SERPINA12: variants seen among roughly 807,000 people sequenced by gnomAD.
SERPINA12 encodes the protein serpin family A member 12.
Under a neutral mutation model 25.9 loss-of-function variants are expected in SERPINA12, and 21 were observed. That is an observed-to-expected ratio of 0.81 (90% CI 0.58 to 1.17). The LOEUF (loss-of-function observed/expected upper bound fraction) is 1.17. Among genes scored for constraint, SERPINA12 ranks in the 50% most tolerant of loss-of-function variants. SERPINA12 has a pLI of 0.00. For missense variants in SERPINA12, 562 were observed against 508.3 expected, an observed-to-expected ratio of 1.11 and a Z score of -1.02; for synonymous variants, 220 against 196.0, an observed-to-expected ratio of 1.12 and a Z score of -1.02.
At chr14:94,501,630 A>G (rs1241055468) in intron 1 of SERPINA12, among the ~76,000 whole-genome samples, 6 of 150,598 alleles carry the variant, frequency 4.0e-5, no homozygotes, top group Non-Finnish European at 1.5e-5. Flanking sequence ...CCCCCATGAG[A>G]TACTGCTGAT....
intron 3 of SERPINA12, among the ~76,000 whole-genome samples, chr14:94,491,820 G>A (rs1229652768): frequency 6.6e-6 from 1 of 152,126 alleles, no homozygotes; most frequent in Non-Finnish European, 1.5e-5. Context: ...TACACATCCT[G>A]GGGACATTCT....
upstream of SERPINA12, chr14:94,511,703 G>A (rs1174364220): frequency 7.1e-6 from 7 of 985,352 alleles, no homozygotes; most frequent in East Asian, 5.7e-4. Flanking sequence ...TTCCAAAGAG[G>A]CAGAACTTGA....
rs374621113 is a variant in SERPINA12, at chr14:94,498,140, C to G, written c.258G>C (p.Leu86=). The change falls in exon 2 of 5, where the codon CTG becomes CTC. Residue 86 remains leucine, a synonymous_variant. Transcript: ENST00000677451. ...GGGTGCTGTCCTGGGCACCCAGGCA[C>G]AGCATGGAGAAAGCTGTAGAGATGC... is the stretch of plus-strand genomic sequence containing the variant. ...PLSISTAFSM[L]CLGAQDSTLD... The G allele has an allele frequency of 3.1e-6, 5 of 1,614,034 alleles. No individual in the cohort carries two copies. Among genetic ancestry groups the G allele is most frequent in the Non-Finnish European group, 4.2e-6 (5 of 1,180,032 alleles).
intron 3 of SERPINA12, among the ~76,000 whole-genome samples, chr14:94,492,894 A>G (rs1017697548): frequency 2.0e-5 from 3 of 152,252 alleles, no homozygotes; most frequent in African/African-American, 7.2e-5. Flanking sequence ...AAATCAGAGC[A>G]GCACCTGGCC....
intron 1 of SERPINA12, among the ~76,000 whole-genome samples, chr14:94,516,953 G>GCA (rs3065837): frequency 6.6e-6 from 1 of 151,694 alleles, no homozygotes; most frequent in Non-Finnish European, 1.5e-5. Flanking sequence ...CGCAGCTATT[G>GCA]CACACACACA....
At chr14:94,498,458 A>G (rs1218759551) in intron 1 of SERPINA12, 28 bp from the exon 2 acceptor site, 2 of 1,541,122 alleles carry the variant, frequency 1.3e-6, no homozygotes, top group Non-Finnish European at 1.8e-6. Flanking sequence ...AAAGAACATG[A>G]TAACCCCATT....
At chr14:94,516,739 T>C (rs1228885904) in intron 1 of SERPINA12, among the ~76,000 whole-genome samples, 1 of 152,204 alleles carries the variant, frequency 6.6e-6, no homozygotes, top group Admixed American at 6.5e-5. Flanking sequence ...CCAAGACCTA[T>C]TGCCTTTGCA....
At chr14:94,490,967 C>A (rs1303858088) in intron 3 of SERPINA12, among the ~76,000 whole-genome samples, 1 of 152,230 alleles carries the variant, frequency 6.6e-6, no homozygotes, top group Non-Finnish European at 1.5e-5. Context: ...CCTTGGTCCC[C>A]TTCTCTTTTC....
At chr14:94,501,330 C>A (rs531910630) in intron 1 of SERPINA12, among the ~76,000 whole-genome samples, 1 of 152,240 alleles carries the variant, frequency 6.6e-6, no homozygotes, top group South Asian at 2.1e-4. Context: ...CTGGCAGGAG[C>A]CTTGGAGGAG....
intron 1 of SERPINA12, chr14:94,503,420 G>T: frequency 1.7e-6 from 1 of 571,714 alleles, no homozygotes; most frequent in Non-Finnish European, 2.2e-6. Context: ...CTAGAGCAAT[G>T]CCCAGGAAAT....
intron 1 of SERPINA12, among the ~76,000 whole-genome samples, chr14:94,506,503 A>G (rs1900936859): frequency 6.6e-6 from 1 of 152,170 alleles, no homozygotes; most frequent in Admixed American, 6.5e-5. Flanking sequence ...TTTGAAGGAT[A>G]AGTAGGTGTT....
At position 94,498,416 on chromosome 14, in the gene SERPINA12, T is replaced by C; in HGVS notation, c.-19A>G. 6.2e-7 allele frequency: 1 copy of C among 1,608,238 alleles called. No homozygotes were observed. Among genetic ancestry groups the C allele is most frequent in the Non-Finnish European group, 8.5e-7 (1 of 1,176,918 alleles). On this transcript the variant is annotated 5_prime_UTR_variant, in exon 2 of 5. Coordinates refer to ENST00000677451, the MANE Select transcript of SERPINA12 (RefSeq NM_001382267.1). ...GGTTCATTTTCCTTGAAGAATATCC[T>C]GTTGAGTAGTAGACCTGAGGTCAGC...
rs188650339 is a variant in SERPINA12, at chr14:94,489,258, A to G, written c.1053+362T>C. 9.9e-4 allele frequency among the ~76,000 whole-genome samples: 151 copies of G among 151,980 alleles called. 1 individual carries two copies. The highest frequency in any genetic ancestry group is 5.0e-4 in the Non-Finnish European group (34 of 67,918). On this transcript the variant is annotated intron_variant, in intron 4 of 4. Transcript: ENST00000677451. Reference sequence around the variant, plus strand: ...AAAGAAAGAGAGAGAGAAAGAGAGAAAGAAAGAGAAAGAAAGAAAGAAAAG... The same window carrying G: ...AAAGAAAGAGAGAGAGAAAGAGAGAGAGAAAGAGAAAGAAAGAAAGAAAAG...
chr14:94,489,091 C>T (rs567144740), intron 4 of SERPINA12, among the ~76,000 whole-genome samples: 44 of 143,668 alleles, frequency 3.1e-4, no homozygotes, highest in Non-Finnish European at 5.6e-4. Flanking sequence ...TGCAAGACTC[C>T]TTCAAAAAAC....
intron 4 of SERPINA12, 75 bp from the exon 5 acceptor site, chr14:94,487,569 A>T: frequency 7.4e-7 from 1 of 1,348,606 alleles, no homozygotes; most frequent in South Asian, 1.4e-5. Context: ...CCCAGAGAGG[A>T]TCAGAGAGGA....
Position 94,487,398 on chromosome 14 carries a change from C to A in SERPINA12, c.1150G>T (p.Val384Phe). Reference protein sequence around the residue: ...QTLPMETPLVVKIDKPYLLLI... With the variant: ...QTLPMETPLVFKIDKPYLLLI... Reference sequence around the variant, plus strand: ...AGCAGATAGGGTTTGTCTATCTTGACGACGAGTGGTGTCTCCATGGGCAGA... The same window carrying A: ...AGCAGATAGGGTTTGTCTATCTTGAAGACGAGTGGTGTCTCCATGGGCAGA... The change falls in exon 5 of 5, where the codon GTC (valine) becomes TTC (phenylalanine). Residue 384 changes from valine to phenylalanine, a missense_variant. Transcript: ENST00000677451. 1 of 1,614,098 alleles carries A rather than the reference C, an allele frequency of 6.2e-7. No homozygotes were observed. The highest frequency in any genetic ancestry group is 8.5e-7 in the Non-Finnish European group (1 of 1,179,978).
chr14:94,496,005 C>G (rs779509570), intron 3 of SERPINA12, among the ~76,000 whole-genome samples: 1 of 152,210 alleles, frequency 6.6e-6, no homozygotes, highest in African/African-American at 2.4e-5. Context: ...CTACTCACAA[C>G]TCACAGCTCT....
intron 4 of SERPINA12, 136 bp downstream of exon 4, chr14:94,489,484 G>T: frequency 1.1e-6 from 1 of 944,328 alleles, no homozygotes; most frequent in Non-Finnish European, 1.6e-6. Flanking sequence ...TTGGTAAGGG[G>T]CACAGCTGCA....
In SERPINA12 at chr14:94,489,662, A is replaced by T; in HGVS notation, c.1011T>A (p.Asp337Glu). The change falls in exon 4 of 5, where the codon GAT becomes GAA. Residue 337 changes from aspartate to glutamate, a missense_variant. By Grantham distance (45) the Asp-to-Glu change is conservative. Coordinates refer to ENST00000677451, the MANE Select transcript of SERPINA12 (RefSeq NM_001382267.1). ...TGCGATGAGGGGCGATCTTGGTGAG[A>T]TCACCATGTTCCTCAAAGATTTTGG... ...GVSKIFEEHG[D>E]LTKIAPHRSL... 1 of 1,614,126 alleles carries T rather than the reference A, an allele frequency of 6.2e-7. No individual in the cohort carries two copies. The highest frequency in any genetic ancestry group is 1.1e-5 in the South Asian group (1 of 91,078).
Sources: allele counts gnomAD v4.1 joint callset (sites outside exome capture counted in the v4.1 genomes callset), GRCh38; gene constraint gnomAD v4.1.1; transcripts MANE v1.5; gene names NCBI Gene and HGNC (gene_info 2026-07-23, HGNC 2026-07-21).